Variants in RBM47 observed in about 807,000 individuals in gnomAD.
RBM47 encodes the protein RNA binding motif protein 47.
Under a neutral mutation model 47.1 loss-of-function variants are expected in RBM47, and 21 were observed. That is an observed-to-expected ratio of 0.45 (90% CI 0.32 to 0.64). The LOEUF is 0.64. Among genes scored for constraint, RBM47 ranks in the 30% least tolerant of loss-of-function variants. The pLI is 0.05. For synonymous variants in RBM47, 375 were observed against 361.7 expected (o/e 1.04, Z -0.42); for missense variants, 708 against 870.9 (o/e 0.81, Z 2.35).
chr4:40,488,483 AC>A (rs1385614571), intron 2 of RBM47, among the ~76,000 whole-genome samples: 16 of 152,118 alleles, frequency 1.1e-4, no homozygotes, highest in Admixed American at 9.8e-4. Context: ...TTCTTCTCAT[AC>A]CTTCATTTGT....
chr4:40,522,966 TC>T (rs143151124), intron 2 of RBM47, among the ~76,000 whole-genome samples: 6 of 136,444 alleles, frequency 4.4e-5, no homozygotes, highest in South Asian at 2.3e-4. Flanking sequence ...TTCTCAAAAA[TC>T]TTTTTTTTTT....
chr4:40,596,884 C>T (rs962925965), intron 1 of RBM47, among the ~76,000 whole-genome samples: 9 of 152,084 alleles, frequency 5.9e-5, no homozygotes, highest in Admixed American at 3.9e-4. Flanking sequence ...ATGTTGGTCC[C>T]AGATACAGAG....
At chr4:40,608,091 A>C in intron 1 of RBM47, among the ~76,000 whole-genome samples, 1 of 152,038 alleles carries the variant, frequency 6.6e-6, no homozygotes, top group East Asian at 1.9e-4. Flanking sequence ...AACAGAGCGA[A>C]ACTCCATCTC....
At chr4:40,561,770 G>C (rs1411590404) in intron 1 of RBM47, among the ~76,000 whole-genome samples, 4 of 151,870 alleles carry the variant, frequency 2.6e-5, no homozygotes, top group Non-Finnish European at 5.9e-5. Context: ...AGCTGGTCTC[G>C]AACTCCTGCG....
At chr4:40,468,526 C>T (rs1022952769) in intron 2 of RBM47, among the ~76,000 whole-genome samples, 2 of 152,086 alleles carry the variant, frequency 1.3e-5, no homozygotes, top group African/African-American at 4.8e-5. Context: ...GTGGAGACAC[C>T]GTAAGACCTT....
At chr4:40,585,958 A>C (rs1733537742) in intron 1 of RBM47, among the ~76,000 whole-genome samples, 1 of 152,234 alleles carries the variant, frequency 6.6e-6, no homozygotes, top group Non-Finnish European at 1.5e-5. Flanking sequence ...GGTACTCTTT[A>C]TCTCTGGCTT....
intron 1 of RBM47, among the ~76,000 whole-genome samples, chr4:40,582,715 G>A (rs954747833): frequency 6.6e-6 from 1 of 152,084 alleles, no homozygotes; most frequent in Non-Finnish European, 1.5e-5. Context: ...CTGGCTCCGG[G>A]CTGTTTCATG....
chr4:40,541,391 G>A (rs1314262735), intron 2 of RBM47, among the ~76,000 whole-genome samples: 5 of 151,988 alleles, frequency 3.3e-5, no homozygotes, highest in Non-Finnish European at 5.9e-5. Flanking sequence ...TTCTGCATCC[G>A]TCAGTTCAGT....
chr4:40,579,423 G>T, intron 1 of RBM47, among the ~76,000 whole-genome samples: 2 of 102,000 alleles, frequency 2.0e-5, no homozygotes, highest in Non-Finnish European at 1.8e-5. Context: ...CCCTGTCTCA[G>T]AAAAAAAAAA....
chr4:40,578,497 TATA>T (rs1732551204), intron 1 of RBM47, among the ~76,000 whole-genome samples: 1 of 152,222 alleles, frequency 6.6e-6, no homozygotes, highest in Non-Finnish European at 1.5e-5. Flanking sequence ...TCCTGACACT[TATA>T]GACAATTGTA....
chr4:40,567,334 T>C (rs945192719), intron 1 of RBM47, among the ~76,000 whole-genome samples: 1 of 152,074 alleles, frequency 6.6e-6, no homozygotes, highest in South Asian at 2.1e-4. Context: ...ATCGAGCATT[T>C]ATTATGTGCC....
At chr4:40,605,033 C>T (rs1451751837) in intron 1 of RBM47, among the ~76,000 whole-genome samples, 1 of 150,836 alleles carries the variant, frequency 6.6e-6, no homozygotes, top group Non-Finnish European at 1.5e-5. Flanking sequence ...TTGTTGTTGT[C>T]GTGGTTGTTA....
At chr4:40,471,803 A>G (rs990113973) in intron 2 of RBM47, among the ~76,000 whole-genome samples, 1 of 151,982 alleles carries the variant, frequency 6.6e-6, no homozygotes, top group Non-Finnish European at 1.5e-5. Context: ...TGTAAGGCCT[A>G]TAAAGAGGCT....
At position 40,586,376 on chromosome 4, in the gene RBM47, C is replaced by T. The variant is rs147012051; in HGVS notation, c.-239-41870G>A. Among the ~76,000 whole-genome samples the T allele has an allele frequency of 1.9e-4, 29 of 152,012 alleles. No individual in the cohort carries two copies. In the East Asian group the frequency reaches 5.2e-3, roughly 27 times the overall value. ...GAGAGTCTGGAAGGTAAGCCTTTGA[C>T]CACCAGGAGACAGAAACAGAGTTAG... On this transcript the variant is annotated intron_variant, in intron 1 of 6. Coordinates refer to ENST00000295971, the MANE Select transcript of RBM47 (RefSeq NM_001098634.2).
intron 2 of RBM47, among the ~76,000 whole-genome samples, chr4:40,538,131 T>C (rs1405127712): frequency 6.6e-6 from 1 of 152,122 alleles, no homozygotes; most frequent in Non-Finnish European, 1.5e-5. Context: ...GCAGGCTCCA[T>C]ACCTAAATTA....
At chr4:40,451,944 C>T (rs1715505127) in intron 3 of RBM47, among the ~76,000 whole-genome samples, 1 of 151,980 alleles carries the variant, frequency 6.6e-6, no homozygotes, top group South Asian at 2.1e-4. Context: ...CCAAGGCGGG[C>T]AGATTGCCTG....
intron 3 of RBM47, among the ~76,000 whole-genome samples, chr4:40,459,685 G>A (rs1355203466): frequency 6.6e-6 from 1 of 152,172 alleles, no homozygotes; most frequent in Non-Finnish European, 1.5e-5. Context: ...TGGCCGAAAG[G>A]AGCCCATCAG....
intron 2 of RBM47, among the ~76,000 whole-genome samples, chr4:40,531,785 T>C (rs966578133): frequency 2.6e-5 from 4 of 152,154 alleles, no homozygotes; most frequent in Non-Finnish European, 5.9e-5. Context: ...TTTTCCTCCT[T>C]CTCTGGCTAG....
At chr4:40,495,182 C>T (rs546339845) in intron 2 of RBM47, among the ~76,000 whole-genome samples, 98 of 152,288 alleles carry the variant, frequency 6.4e-4, no homozygotes, top group African/African-American at 2.3e-3. Context: ...CACCCTGGCT[C>T]TTCCTTGGTA....
Sources: gnomAD v4.1 joint callset for allele counts (sites outside exome capture counted in the v4.1 genomes callset) on GRCh38, gnomAD v4.1.1 for gene constraint, MANE v1.5 for transcripts, NCBI Gene and HGNC (gene_info 2026-07-23, HGNC 2026-07-21) for gene names.